The following MMS22L variants were observed in gnomAD, a reference collection of about 807,000 sequenced individuals.
The protein encoded by MMS22L is protein MMS22-like.
In MMS22L, 74 loss-of-function variants were observed where a neutral mutation model predicts 159.1. The observed-to-expected ratio is 0.47, with a 90% confidence interval of 0.39 to 0.56. MMS22L has a LOEUF of 0.56. Ranked by LOEUF, MMS22L falls within the 20% of genes least tolerant of loss-of-function variation. MMS22L has a pLI of 0.00. For missense variants in MMS22L, 1,351 were observed against 1,422.1 expected (o/e 0.95, Z 0.80); for synonymous variants, 517 against 506.9 (o/e 1.02, Z -0.27).
At chr6:97,156,162 A>AT (rs1801818991) in intron 22 of MMS22L, among the ~76,000 whole-genome samples, 2 of 152,062 alleles carry the variant, frequency 1.3e-5, no homozygotes, top group South Asian at 4.1e-4. Flanking sequence ...TCCTTCGCCC[A>AT]TTTTTTGACG....
intron 2 of MMS22L, 38 bp downstream of exon 2, chr6:97,282,276 T>TAATC: frequency 6.3e-7 from 1 of 1,596,596 alleles, no homozygotes; most frequent in Middle Eastern, 1.7e-4. Flanking sequence ...AACTGGTGAA[T>TAATC]AATCAGATGA....
chr6:97,237,092 G>A (rs1811501110), intron 11 of MMS22L, among the ~76,000 whole-genome samples: 1 of 152,108 alleles, frequency 6.6e-6, no homozygotes, highest in Non-Finnish European at 1.5e-5. Flanking sequence ...ACAGAAAAAT[G>A]AAAAGGTCAA....
chr6:97,166,978 C>T (rs1803021078), intron 20 of MMS22L, among the ~76,000 whole-genome samples: 1 of 152,120 alleles, frequency 6.6e-6, no homozygotes, highest in African/African-American at 2.4e-5. Flanking sequence ...TCTTAAAACT[C>T]TGTTAAGAAA....
intron 11 of MMS22L, among the ~76,000 whole-genome samples, chr6:97,235,346 T>C (rs1246281480): frequency 6.6e-6 from 1 of 152,138 alleles, no homozygotes; most frequent in East Asian, 1.9e-4. Context: ...GGTATACAAG[T>C]AGAGCTATTA....
chr6:97,236,237 GAA>G (rs995623756), intron 11 of MMS22L, among the ~76,000 whole-genome samples: 146 of 148,616 alleles, frequency 9.8e-4, no homozygotes, highest in African/African-American at 3.6e-3. Context: ...GCCAAAGCAG[GAA>G]AATCGCTTGA....
At chr6:97,260,166 T>C (rs1434044685) in intron 9 of MMS22L, 7 of 152,210 alleles carry the variant, frequency 4.6e-5, no homozygotes, top group African/African-American at 1.7e-4. Context: ...TTGGGGTTAA[T>C]CTTTCAAATT....
chr6:97,185,681 T>G (rs1347814765), intron 15 of MMS22L, among the ~76,000 whole-genome samples: 1 of 152,192 alleles, frequency 6.6e-6, no homozygotes. Context: ...CAAATTTAAA[T>G]CATTAGTCTT....
chr6:97,151,813 C>T lies in MMS22L; in HGVS notation c.3440G>A (p.Gly1147Glu), dbSNP rs757190681. The T allele has an allele frequency of 3.7e-6, 6 of 1,613,446 alleles. No homozygotes were observed. In the South Asian group the frequency reaches 5.5e-5, roughly 15 times the overall value. Residue 1147 changes from glycine (G) to glutamate (E), a missense_variant, in exon 23 of 25, where the codon GGG becomes GAG. By Grantham distance (98) the Gly-to-Glu change is moderately conservative (BLOSUM62 -2). Transcript: ENST00000683635. ...CTGGGAGGAAGGTTCTTCTTCTGAC[C>T]CCACTTGGCAGGCTTTTACCATGTA... ...LQYMVKACQV[G>E]SEEEPSSQLT...
intron 4 of MMS22L, among the ~76,000 whole-genome samples, chr6:97,276,712 T>G (rs780339043): frequency 1.3e-5 from 2 of 152,236 alleles, no homozygotes; most frequent in Non-Finnish European, 2.9e-5. Context: ...TCCGAAAAAC[T>G]TTTCCCAAAT....
intron 14 of MMS22L, among the ~76,000 whole-genome samples, chr6:97,186,916 G>A (rs1805303186): frequency 6.6e-6 from 1 of 152,112 alleles, no homozygotes; most frequent in African/African-American, 2.4e-5. Context: ...TTAATTATAT[G>A]CTTTTTAATA....
intron 14 of MMS22L, among the ~76,000 whole-genome samples, chr6:97,226,277 A>G (rs1810236945): frequency 6.6e-6 from 1 of 152,180 alleles, no homozygotes; most frequent in African/African-American, 2.4e-5. Flanking sequence ...AGGAATTTGC[A>G]AAACAAAGAT....
chr6:97,275,130 C>T (rs1816128203), intron 4 of MMS22L, among the ~76,000 whole-genome samples: 1 of 152,164 alleles, frequency 6.6e-6, no homozygotes, highest in African/African-American at 2.4e-5. Context: ...CCACAATGTT[C>T]ATCTAACAAT....
intron 20 of MMS22L, among the ~76,000 whole-genome samples, chr6:97,166,142 GTTTA>G (rs1435124635): frequency 6.6e-6 from 1 of 151,982 alleles, no homozygotes; most frequent in Non-Finnish European, 1.5e-5. Flanking sequence ...TTGCATGTCT[GTTTA>G]TTTAATCTCT....
rs529357984 is a variant in MMS22L at position 97,144,599 on chromosome 6, A to G, written c.*2207T>C. 7 of 152,276 alleles carry G rather than the reference A, an allele frequency of 4.6e-5. No homozygotes were observed. In the South Asian group the frequency reaches 1.5e-3, roughly 32 times the overall value. 9.4% of individuals were successfully genotyped at this position (152,276 alleles called of 1,614,324 possible). ...ACCAAAAGACAATGGCTTGTATTAC[A>G]CTGGTAGAAGCAGCAGCCTCAGAAA... On this transcript the variant is annotated 3_prime_UTR_variant, in exon 25 of 25. Coordinates refer to ENST00000683635, the MANE Select transcript of MMS22L (RefSeq NM_001350599.2).
intron 14 of MMS22L, among the ~76,000 whole-genome samples, chr6:97,204,283 T>G (rs967252226): frequency 1.3e-5 from 2 of 152,180 alleles, no homozygotes; most frequent in African/African-American, 4.8e-5. Context: ...TAGTATCTAT[T>G]ACTAGGAATT....
intron 9 of MMS22L, among the ~76,000 whole-genome samples, chr6:97,255,406 T>C (rs1259760105): frequency 6.6e-6 from 1 of 152,100 alleles, no homozygotes; most frequent in Non-Finnish European, 1.5e-5. Flanking sequence ...TTAAGTAACA[T>C]TGGCCAATTT....
At chr6:97,183,943 C>T (rs1804967462) in intron 15 of MMS22L, among the ~76,000 whole-genome samples, 1 of 152,138 alleles carries the variant, frequency 6.6e-6, no homozygotes, top group African/African-American at 2.4e-5. Flanking sequence ...TAGCTACTAT[C>T]CCCATTTTTC....
intron 14 of MMS22L, among the ~76,000 whole-genome samples, chr6:97,219,282 C>CA (rs914260373): frequency 1.3e-5 from 2 of 151,790 alleles, no homozygotes; most frequent in African/African-American, 2.4e-5. Flanking sequence ...ATATTATTCA[C>CA]AAAAAAATGA....
In MMS22L at chr6:97,186,582, T is replaced by G. The variant is rs1805256808; in HGVS notation, c.2148A>C (p.Ala716=). 1 of 1,612,946 alleles carries G rather than the reference T, an allele frequency of 6.2e-7. No individual in the cohort carries two copies. The highest frequency in any genetic ancestry group is 8.5e-7 in the Non-Finnish European group (1 of 1,179,536). The stretch of plus-strand genomic sequence containing the variant: ...AAAATGAAAAGAAATGTCTCCACAG[T>G]GCACTGGCAACTGCAGCAAGGTGGC... ...KERHLAAVAS[A]LWRHFFSFLK... is the part of the protein sequence containing the mutation. Residue 716 remains alanine, a synonymous_variant, in exon 15 of 25, where the codon GCA becomes GCC. Transcript: ENST00000683635.
Sources: allele counts gnomAD v4.1 joint callset (sites outside exome capture counted in the v4.1 genomes callset), GRCh38; gene constraint gnomAD v4.1.1; transcripts MANE v1.5; gene names NCBI Gene and HGNC (gene_info 2026-07-23, HGNC 2026-07-21).